The following ALDH5A1 variants were observed in gnomAD, a reference collection of about 807,000 sequenced individuals.
The protein encoded by ALDH5A1 is aldehyde dehydrogenase 5 family member A1, also known as succinate-semialdehyde dehydrogenase, mitochondrial.
Under a neutral mutation model 54.7 loss-of-function variants are expected in ALDH5A1, and 33 were observed. The observed-to-expected ratio is 0.60, with a 90% CI of 0.46 to 0.81. The LOEUF is 0.81. ALDH5A1 is among the 30% of genes least tolerant of loss of function. The pLI is 0.00. For missense variants in ALDH5A1, 657 were observed against 711.0 expected (o/e 0.92, Z 0.86); for synonymous variants, 294 against 292.7 (o/e 1.00, Z -0.05).
chr6:24,510,485 A>G (rs1401931092), intron 4 of ALDH5A1, among the ~76,000 whole-genome samples: 2 of 152,164 alleles, frequency 1.3e-5, no homozygotes. Context: ...TGGGAGCTCC[A>G]GTGTTACATG....
Position 24,495,369 on chromosome 6 carries a change from AG to A in ALDH5A1, c.354+24del. The A allele has an allele frequency of 6.5e-7, 1 of 1,531,172 alleles. No homozygotes were observed. Among genetic ancestry groups the A allele is most frequent in the Non-Finnish European group, 8.7e-7 (1 of 1,145,212 alleles). The allele number at this position is 1,531,172 out of a possible 1,614,324, so 94.8% of individuals were successfully genotyped here. On this transcript the variant is annotated intron_variant, in intron 1 of 9. Transcript: ENST00000357578. ...CGCCAAGGTGAGAGAGCCCGGATGC[AG>A]GGGGCCAGAGCTGGCCGGGGACACG...
intron 5 of ALDH5A1, 115 bp from the exon 6 acceptor site, chr6:24,520,286 A>G (rs1207807038): frequency 9.5e-6 from 11 of 1,162,468 alleles, no homozygotes; most frequent in African/African-American, 1.5e-5. Context: ...AAGTTATCCC[A>G]TGTACACCAC....
chr6:24,501,926 T>A (rs1764828730), intron 1 of ALDH5A1, among the ~76,000 whole-genome samples: 1 of 144,578 alleles, frequency 6.9e-6, no homozygotes, highest in Non-Finnish European at 1.5e-5. Context: ...TGTATATATA[T>A]ATGTGTGTGT....
chr6:24,515,494 G>T (rs113670911), intron 5 of ALDH5A1, among the ~76,000 whole-genome samples, 184 bp downstream of exon 5: 194 of 152,316 alleles, frequency 1.3e-3, no homozygotes, highest in African/African-American at 2.6e-3. Flanking sequence ...GGATGCTGAG[G>T]TGGGCAGATC....
chr6:24,525,562 G>A (rs1759783649), intron 7 of ALDH5A1, among the ~76,000 whole-genome samples: 1 of 151,532 alleles, frequency 6.6e-6, no homozygotes, highest in Admixed American at 6.6e-5. Context: ...AGAAAAATTA[G>A]CCAGGTGTGG....
In ALDH5A1 at chr6:24,500,647, A is replaced by AAATAATAATAAT. The variant is rs35094488; in HGVS notation, c.355-1852_355-1841dup. 7.5e-3 allele frequency among the ~76,000 whole-genome samples: 1,077 copies of AAATAATAATAAT among 144,154 alleles called. 7 individuals carry two copies. Among genetic ancestry groups the AAATAATAATAAT allele is most frequent in the East Asian group, 0.021 (104 of 5,008 alleles). The allele number at this position is 144,154 out of a possible 152,430, so 94.6% of individuals were successfully genotyped here. A position where few individuals can be genotyped will look rare whatever the true frequency, so the allele number is the denominator to read the frequency against. ...GGGCATCAGATCAAGACCGTATCTAAAATAATAATAATAATAATAATAATA... is the reference window on the plus strand; with the variant it reads ...GGGCATCAGATCAAGACCGTATCTAAAATAATAATAATAATAATAATAATAATAATAATAATA... On this transcript the variant is annotated intron_variant, in intron 1 of 9. Transcript: ENST00000357578.
At chr6:24,502,468 TTCTG>T in intron 1 of ALDH5A1, 51 bp from the exon 2 acceptor site, 1 of 1,297,798 alleles carries the variant, frequency 7.7e-7, no homozygotes, top group Non-Finnish European at 1.1e-6. Context: ...TTATTTAGCA[TTCTG>T]TCTTACACTT....
Position 24,533,883 on chromosome 6 carries a change from A to T in ALDH5A1, c.*171A>T. 1 of 654,844 alleles carries T rather than the reference A, an allele frequency of 1.5e-6. No homozygotes were observed. Among genetic ancestry groups the T allele is most frequent in the Non-Finnish European group, 2.6e-6 (1 of 390,614 alleles). 40.6% of individuals were successfully genotyped at this position (654,844 alleles called of 1,614,324 possible). A position where few individuals can be genotyped will look rare whatever the true frequency, so the allele number is the denominator to read the frequency against. On this transcript the variant is annotated 3_prime_UTR_variant, in exon 10 of 10. Coordinates refer to ENST00000357578, the MANE Select transcript of ALDH5A1 (RefSeq NM_001080.3). Reference sequence around the variant, plus strand: ...CAAATCCTACCCCTGCCCTTAATGTAACTAGGGACCAATATGTGCCACGTG... The same window carrying T: ...CAAATCCTACCCCTGCCCTTAATGTTACTAGGGACCAATATGTGCCACGTG...
intron 1 of ALDH5A1, among the ~76,000 whole-genome samples, chr6:24,500,757 C>T (rs1207990333): frequency 6.6e-6 from 1 of 151,486 alleles, no homozygotes; most frequent in Non-Finnish European, 1.5e-5. Flanking sequence ...TAGCTGTTTC[C>T]ACAAAACTTA....
chr6:24,500,194 A>C (rs921573148), intron 1 of ALDH5A1, among the ~76,000 whole-genome samples: 1 of 152,212 alleles, frequency 6.6e-6, no homozygotes, highest in South Asian at 2.1e-4. Flanking sequence ...TATGCATAAC[A>C]TAACATTTAC....
intron 1 of ALDH5A1, among the ~76,000 whole-genome samples, chr6:24,497,336 CTGATTGGTGCATTTTACAGAGCGT>C (rs372955135): frequency 0.017 from 2,562 of 151,694 alleles, 67 homozygotes; most frequent in African/African-American, 0.057. Context: ...TTACAGAGCG[CTGATTGGTGCATTTTACAGAGCGT>C]TGATTGGTGT....
At position 24,522,946 on chromosome 6, in the gene ALDH5A1, G is replaced by A. The variant is rs67603730; in HGVS notation, c.1173+21G>A. ...AAAAGGTAAGTATATTGTATTATTT[G>A]TGAAAGTAAATTTCATGGTTTCAAT... On this transcript the variant is annotated intron_variant, in intron 7 of 9. Coordinates refer to ENST00000357578, the MANE Select transcript of ALDH5A1 (RefSeq NM_001080.3). 263,333 of 1,510,264 alleles carry A rather than the reference G, an allele frequency of 0.17. 22,420 individuals are homozygous for A. Among genetic ancestry groups the A allele is most frequent in the Middle Eastern group, 0.27 (1,545 of 5,624 alleles). The allele number at this position is 1,510,264 out of a possible 1,614,324, so 93.6% of individuals were successfully genotyped here. A position where few individuals can be genotyped will look rare whatever the true frequency, so the allele number is the denominator to read the frequency against.
chr6:24,529,319 A>C (rs1368715103), intron 8 of ALDH5A1, among the ~76,000 whole-genome samples: 1 of 151,904 alleles, frequency 6.6e-6, no homozygotes, highest in Non-Finnish European at 1.5e-5. Context: ...GGCATGTGCC[A>C]CCACACCTGG....
chr6:24,522,493 G>GTGTGTGTGTGTGTGTGTGTGTGTGTGTC, intron 6 of ALDH5A1: 1 of 376,610 alleles, frequency 2.7e-6, no homozygotes, highest in Non-Finnish European at 5.1e-6. Flanking sequence ...GTGTGTGTGT[G>GTGTGTGTGTGTGTGTGTGTGTGTGTGTC]TGTGTGTGTG....
intron 4 of ALDH5A1, among the ~76,000 whole-genome samples, chr6:24,505,713 A>G (rs538801346): frequency 2.0e-4 from 31 of 152,238 alleles, no homozygotes; most frequent in African/African-American, 6.7e-4. Context: ...TCACACTTGT[A>G]ATCTCAGAAC....
intron 8 of ALDH5A1, among the ~76,000 whole-genome samples, chr6:24,531,431 C>T (rs887285202): frequency 3.9e-5 from 6 of 152,154 alleles, no homozygotes; most frequent in Non-Finnish European, 7.3e-5. Flanking sequence ...ATTGACTTTT[C>T]GGAGCTGGCT....
In ALDH5A1 at chr6:24,529,068, C is replaced by A. The variant is rs151269263; in HGVS notation, c.1343+902C>A. On this transcript the variant is annotated intron_variant, in intron 8 of 9. Coordinates refer to ENST00000357578, the MANE Select transcript of ALDH5A1 (RefSeq NM_001080.3). ...TGAACTTTCTGTGTCGTTTTGTGGT[C>A]TTTTATCTCCCATTCACAAGTAGAT... is the stretch of plus-strand genomic sequence containing the variant. Among the ~76,000 whole-genome samples, 227 of 152,272 alleles carry A rather than the reference C, an allele frequency of 1.5e-3. 1 individual carries two copies. The highest frequency in any genetic ancestry group is 2.6e-3 in the Non-Finnish European group (175 of 68,014).
intron 3 of ALDH5A1, among the ~76,000 whole-genome samples, chr6:24,503,779 A>T (rs1178771592): frequency 6.6e-6 from 1 of 152,190 alleles, no homozygotes; most frequent in African/African-American, 2.4e-5. Context: ...AAGACTTAAG[A>T]TATGATACAT....
At position 24,495,298 on chromosome 6, in the gene ALDH5A1, C is replaced by G. The variant is rs1167347136; in HGVS notation, c.302C>G (p.Ala101Gly). 2 of 1,533,210 alleles carry G rather than the reference C, an allele frequency of 1.3e-6. No homozygotes were observed. The highest frequency in any genetic ancestry group is 2.4e-5 in the East Asian group (1 of 40,862). The allele number at this position is 1,533,210 out of a possible 1,614,324, so 95.0% of individuals were successfully genotyped here. A position where few individuals can be genotyped will look rare whatever the true frequency, so the allele number is the denominator to read the frequency against. The change falls in exon 1 of 10, where the codon GCC becomes GGC. Residue 101 changes from alanine to glycine, a missense_variant. Physicochemically the swap from Ala to Gly is moderately conservative, Grantham distance 60. This residue lies in a region of ALDH5A1 where 232 missense variants were observed against 194.6 expected (regional missense o/e 1.19). Transcript: ENST00000357578. The part of the protein sequence containing the change: ...ADCGVREARA[A>G]VRAAYEAFCR... The stretch of plus-strand genomic sequence containing the variant: ...TGCGGGGTGCGAGAGGCCCGCGCCG[C>G]CGTGCGCGCTGCCTACGAGGCTTTC...
Sources: gnomAD v4.1 joint callset for allele counts (sites outside exome capture counted in the v4.1 genomes callset) on GRCh38, gnomAD v4.1.1 for gene constraint, gnomAD v4.1.1 regional missense constraint, MANE v1.5 for transcripts, NCBI Gene and HGNC (gene_info 2026-07-23, HGNC 2026-07-21) for gene names.